ZMAT4: variants seen among roughly 807,000 people sequenced by gnomAD.
ZMAT4 encodes the protein zinc finger matrin-type 4.
Under a neutral mutation model 28.7 loss-of-function variants are expected in ZMAT4, and 17 were observed. The observed-to-expected ratio is 0.59, with a 90% CI of 0.41 to 0.89. The LOEUF (loss-of-function observed/expected upper bound fraction) is 0.89, where lower values mean the gene tolerates loss of function less well. ZMAT4 is among the 40% of genes least tolerant of loss of function. The pLI is 0.00. For synonymous variants in ZMAT4, 117 were observed against 109.2 expected, an observed-to-expected ratio of 1.07 and a Z score of -0.44; for missense variants, 240 against 283.8, an observed-to-expected ratio of 0.85 and a Z score of 1.11.
chr8:40,859,368 C>A (rs113995391), intron 1 of ZMAT4, among the ~76,000 whole-genome samples: 34 of 152,250 alleles, frequency 2.2e-4, no homozygotes, highest in African/African-American at 7.7e-4. Context: ...TTTTTCCATC[C>A]TCCTCCCCTG....
At chr8:40,625,414 G>A (rs1806337089) in intron 5 of ZMAT4, among the ~76,000 whole-genome samples, 1 of 152,074 alleles carries the variant, frequency 6.6e-6, no homozygotes, top group African/African-American at 2.4e-5. Flanking sequence ...AGGAGAGGAA[G>A]AATATTTAGG....
intron 5 of ZMAT4, among the ~76,000 whole-genome samples, chr8:40,595,054 T>C (rs1177329345): frequency 6.6e-6 from 1 of 152,174 alleles, no homozygotes; most frequent in African/African-American, 2.4e-5. Flanking sequence ...TTAGTTAAGT[T>C]CATAAACCAG....
intron 6 of ZMAT4, among the ~76,000 whole-genome samples, chr8:40,562,631 C>T (rs989495323): frequency 2.0e-5 from 3 of 152,030 alleles, no homozygotes; most frequent in Non-Finnish European, 4.4e-5. Flanking sequence ...GGAACTCCCC[C>T]TCTTTCTTTC....
intron 1 of ZMAT4, among the ~76,000 whole-genome samples, chr8:40,867,978 C>T (rs1380816115): frequency 6.6e-6 from 1 of 151,936 alleles, no homozygotes; most frequent in Non-Finnish European, 1.5e-5. Context: ...TTCTGGTTGT[C>T]TCCACTTAGC....
rs111258387 is a variant in ZMAT4, at chr8:40,737,755, G to A, written c.192+29886C>T. ...TAGCGGAAAATCGCATAAAATATCA[G>A]GTCTGAATTTTCAAATCATATGAGG... On this transcript the variant is annotated intron_variant, in intron 3 of 6. Coordinates refer to ENST00000297737, the MANE Select transcript of ZMAT4 (RefSeq NM_024645.3). 9.2e-3 allele frequency among the ~76,000 whole-genome samples: 1,401 copies of A among 151,844 alleles called. 20 individuals are homozygous for A. The highest frequency in any genetic ancestry group is 0.031 in the African/African-American group (1,301 of 41,396).
rs184799643 is a variant in ZMAT4, at chr8:40,615,760, C to T, written c.578-34499G>A. On this transcript the variant is annotated intron_variant, in intron 5 of 6. Coordinates refer to ENST00000297737, the MANE Select transcript of ZMAT4 (RefSeq NM_024645.3). ...TGCATTCATCAAGTAGTTCTCGTGC[C>T]ATGGTTTTCAGCTCCATCAGGTCAT... Among the ~76,000 whole-genome samples the T allele has an allele frequency of 2.9e-3, 444 of 152,252 alleles. 4 individuals are homozygous for T. The highest frequency in any genetic ancestry group is 0.01 in the African/African-American group (419 of 41,538).
chr8:40,817,192 A>G (rs373593202), intron 2 of ZMAT4, among the ~76,000 whole-genome samples: 9 of 152,328 alleles, frequency 5.9e-5, no homozygotes, highest in African/African-American at 1.2e-4. Flanking sequence ...GGAACTTTCT[A>G]AAAAATAAAT....
chr8:40,859,221 G>A (rs181829319), intron 1 of ZMAT4, among the ~76,000 whole-genome samples: 1 of 152,312 alleles, frequency 6.6e-6, no homozygotes, highest in East Asian at 1.9e-4. Context: ...CCCTGCCTCA[G>A]AAGCTGCAGA....
At chr8:40,697,423 C>T (rs1809939448) in intron 3 of ZMAT4, 22 bp from the exon 4 acceptor site, 3 of 1,522,230 alleles carry the variant, frequency 2.0e-6, no homozygotes, top group Admixed American at 2.0e-5. Flanking sequence ...GAAAGAAAGG[C>T]CACGTGTGAG....
At chr8:40,534,461 G>T (rs1333439543) in intron 6 of ZMAT4, among the ~76,000 whole-genome samples, 1 of 152,080 alleles carries the variant, frequency 6.6e-6, no homozygotes, top group Non-Finnish European at 1.5e-5. Flanking sequence ...TTGAAGAAAG[G>T]CATAGGGAAA....
intron 3 of ZMAT4, among the ~76,000 whole-genome samples, chr8:40,739,518 T>C (rs948241283): frequency 6.6e-6 from 1 of 152,068 alleles, no homozygotes; most frequent in Non-Finnish European, 1.5e-5. Context: ...TAAAAGGTAA[T>C]ACAGTGATCT....
At chr8:40,757,315 A>T (rs1270838017) in intron 3 of ZMAT4, among the ~76,000 whole-genome samples, 1 of 152,236 alleles carries the variant, frequency 6.6e-6, no homozygotes, top group Admixed American at 6.5e-5. Flanking sequence ...GAGTAGGCGA[A>T]TCTGCTCATA....
intron 4 of ZMAT4, among the ~76,000 whole-genome samples, chr8:40,685,355 A>G (rs1029070956): frequency 1.3e-5 from 2 of 152,166 alleles, no homozygotes; most frequent in Non-Finnish European, 2.9e-5. Context: ...AGGCTGATGA[A>G]CAAAGGAGCA....
At chr8:40,799,225 G>GGATGGATGGATAGATA (rs377302493) in intron 2 of ZMAT4, among the ~76,000 whole-genome samples, 15 of 150,618 alleles carry the variant, frequency 1.0e-4, no homozygotes, top group African/African-American at 3.4e-4. Context: ...ATGGATGGAT[G>GGATGGATGGATAGATA]GATAGATAGA....
At chr8:40,599,385 A>ATGTGTGTGTGTATATATATGTG (rs1563358530) in intron 5 of ZMAT4, among the ~76,000 whole-genome samples, 1 of 144,778 alleles carries the variant, frequency 6.9e-6, no homozygotes, top group Admixed American at 6.9e-5. Flanking sequence ...GCACATATAT[A>ATGTGTGTGTGTATATATATGTG]TGTGTGTGTG....
chr8:40,756,825 G>A (rs1219149897), intron 3 of ZMAT4, among the ~76,000 whole-genome samples: 5 of 151,796 alleles, frequency 3.3e-5, no homozygotes, highest in African/African-American at 1.2e-4. Flanking sequence ...CTCATTTTAC[G>A]TACGTTTCTG....
At chr8:40,760,204 A>G (rs1812867340) in intron 3 of ZMAT4, among the ~76,000 whole-genome samples, 1 of 151,906 alleles carries the variant, frequency 6.6e-6, no homozygotes, top group African/African-American at 2.4e-5. Context: ...TACTCCCTTG[A>G]CTCTCCAACA....
At chr8:40,620,630 C>T (rs1156285880) in intron 5 of ZMAT4, among the ~76,000 whole-genome samples, 1 of 152,206 alleles carries the variant, frequency 6.6e-6, no homozygotes, top group Non-Finnish European at 1.5e-5. Context: ...ATCCAATTAA[C>T]AATTCCTCAC....
chr8:40,758,472 A>G (rs1812787424), intron 3 of ZMAT4, among the ~76,000 whole-genome samples: 1 of 152,242 alleles, frequency 6.6e-6, no homozygotes, highest in Non-Finnish European at 1.5e-5. Flanking sequence ...GTGTTGACGT[A>G]TTAAAGAACT....
Sources: gnomAD v4.1 joint callset for allele counts (sites outside exome capture counted in the v4.1 genomes callset) on GRCh38, gnomAD v4.1.1 for gene constraint, MANE v1.5 for transcripts, NCBI Gene and HGNC (gene_info 2026-07-23, HGNC 2026-07-21) for gene names.